The following BICC1 variants were observed in gnomAD, a reference collection of about 807,000 sequenced individuals.
The protein encoded by BICC1 is BicC family RNA binding protein 1.
Under a neutral mutation model 111.0 loss-of-function variants are expected in BICC1, and 43 were observed. The ratio of observed to expected loss-of-function variants is 0.39; its 90% CI spans 0.30 to 0.50. The LOEUF (loss-of-function observed/expected upper bound fraction) is 0.50. BICC1 is among the 20% of genes least tolerant of loss of function. The pLI is 0.88. For missense variants in BICC1, 1,091 were observed against 1,203.2 expected (o/e 0.91, Z 1.38); for synonymous variants, 467 against 434.4 (o/e 1.07, Z -0.93).
At chr10:58,760,832 T>C (rs556617297) in intron 3 of BICC1, among the ~76,000 whole-genome samples, 1 of 152,292 alleles carries the variant, frequency 6.6e-6, no homozygotes, top group African/African-American at 2.4e-5. Flanking sequence ...ACAGAATTTA[T>C]TTGTATTGTC....
Position 58,605,383 on chromosome 10 carries a change from A to G in BICC1, c.191-15472A>G, listed in dbSNP as rs528986071. 2.4e-4 allele frequency among the ~76,000 whole-genome samples: 37 copies of G among 152,210 alleles called. No individual in the cohort carries two copies. The South Asian group carries it at 5.6e-3, about 23-fold the overall frequency. ...TCTGTTTATTGCATTCTCCCCATTC[A>G]TTACCTTTAGCCATTGTCTGTTGTA... On this transcript the variant is annotated intron_variant, in intron 1 of 20. Transcript: ENST00000373886.
chr10:58,651,027 C>G (rs1179734418), intron 2 of BICC1, among the ~76,000 whole-genome samples: 1 of 152,110 alleles, frequency 6.6e-6, no homozygotes, highest in African/African-American at 2.4e-5. Flanking sequence ...TCCCTCCTCA[C>G]CCCACTCCCA....
intron 3 of BICC1, among the ~76,000 whole-genome samples, chr10:58,768,004 A>G (rs558021332): frequency 2.6e-5 from 4 of 152,170 alleles, no homozygotes; most frequent in Non-Finnish European, 2.9e-5. Context: ...AAAGGAGAAA[A>G]GAAAGAAAAG....
At chr10:58,601,611 A>T (rs1240933431) in intron 1 of BICC1, among the ~76,000 whole-genome samples, 1 of 152,012 alleles carries the variant, frequency 6.6e-6, no homozygotes, top group East Asian at 1.9e-4. Flanking sequence ...GAATTACTGG[A>T]TCAAGTACAT....
At chr10:58,728,510 C>T (rs1841183718) in intron 3 of BICC1, among the ~76,000 whole-genome samples, 1 of 151,998 alleles carries the variant, frequency 6.6e-6, no homozygotes. Context: ...AGTCTTGAAC[C>T]CCCTCAAAGT....
At chr10:58,697,192 T>C (rs1840088472) in intron 2 of BICC1, among the ~76,000 whole-genome samples, 1 of 152,214 alleles carries the variant, frequency 6.6e-6, no homozygotes, top group Non-Finnish European at 1.5e-5. Flanking sequence ...GGACAACATA[T>C]TGACTCACTT....
chr10:58,578,282 G>A (rs1217623107), intron 1 of BICC1, among the ~76,000 whole-genome samples: 1 of 152,008 alleles, frequency 6.6e-6, no homozygotes, highest in African/African-American at 2.4e-5. Context: ...GTATTTCCGA[G>A]TTGTTATTTT....
intron 1 of BICC1, among the ~76,000 whole-genome samples, chr10:58,533,786 A>G (rs886595817): frequency 3.9e-4 from 59 of 151,868 alleles, no homozygotes; most frequent in African/African-American, 1.4e-3. Flanking sequence ...GATGCACCAG[A>G]AAAAATGAGA....
intron 2 of BICC1, among the ~76,000 whole-genome samples, chr10:58,684,627 T>A (rs1839652012): frequency 6.6e-6 from 1 of 152,228 alleles, no homozygotes; most frequent in African/African-American, 2.4e-5. Flanking sequence ...TCAAGGAATT[T>A]ATCCATTTCT....
chr10:58,802,990 A>G, intron 14 of BICC1, 87 bp from the exon 15 acceptor site: 1 of 1,277,802 alleles, frequency 7.8e-7, no homozygotes, highest in South Asian at 1.9e-5. Context: ...ATGATGATAA[A>G]CATGCATAGT....
chr10:58,616,503 CT>C (rs1845611710), intron 1 of BICC1, among the ~76,000 whole-genome samples: 1 of 152,038 alleles, frequency 6.6e-6, no homozygotes, highest in South Asian at 2.1e-4. Context: ...GGTGTAAAGC[CT>C]TTTCTGTATG....
At chr10:58,513,932 G>A (rs1842172014) in intron 1 of BICC1, among the ~76,000 whole-genome samples, 1 of 152,220 alleles carries the variant, frequency 6.6e-6, no homozygotes, top group African/African-American at 2.4e-5. Flanking sequence ...GTGCTGCTGT[G>A]TTTGAGGACA....
In BICC1 at chr10:58,537,358, A is replaced by T. The variant is rs77597561; in HGVS notation, c.190+24025A>T. Among the ~76,000 whole-genome samples the T allele has an allele frequency of 4.0e-3, 598 of 150,742 alleles. 6 individuals carry two copies. The highest frequency in any genetic ancestry group is 0.031 in the East Asian group (159 of 5,114). ...GGAATGAACTAGAACAAAAAAAAAAATCATGATGAAGTGGGTTTTATTCCG... is the reference window on the plus strand; with the variant it reads ...GGAATGAACTAGAACAAAAAAAAAATTCATGATGAAGTGGGTTTTATTCCG... On this transcript the variant is annotated intron_variant, in intron 1 of 20. Coordinates refer to ENST00000373886, the MANE Select transcript of BICC1 (RefSeq NM_001080512.3).
At chr10:58,606,172 A>C (rs1311317619) in intron 1 of BICC1, among the ~76,000 whole-genome samples, 1 of 152,028 alleles carries the variant, frequency 6.6e-6, no homozygotes, top group Non-Finnish European at 1.5e-5. Context: ...CCATCCTGGG[A>C]ATTTCTCCTC....
At chr10:58,638,755 G>A (rs1455882165) in intron 2 of BICC1, among the ~76,000 whole-genome samples, 1 of 152,126 alleles carries the variant, frequency 6.6e-6, no homozygotes, top group Non-Finnish European at 1.5e-5. Flanking sequence ...CCCGGCACTG[G>A]GTATCTCTTC....
chr10:58,743,296 C>T (rs1187211838), intron 3 of BICC1, among the ~76,000 whole-genome samples: 1 of 151,938 alleles, frequency 6.6e-6, no homozygotes, highest in African/African-American at 2.4e-5. Context: ...AATACTATCT[C>T]CAGGTCTCTC....
intron 2 of BICC1, among the ~76,000 whole-genome samples, chr10:58,662,198 AC>A (rs1368634826): frequency 3.3e-5 from 5 of 152,198 alleles, no homozygotes; most frequent in African/African-American, 1.2e-4. Context: ...AATACAAATG[AC>A]ACATATCTTG....
intron 1 of BICC1, among the ~76,000 whole-genome samples, chr10:58,560,895 C>A (rs1218129518): frequency 2.6e-5 from 4 of 151,684 alleles, no homozygotes; most frequent in African/African-American, 9.7e-5. Flanking sequence ...TAGTTTTATT[C>A]TATTGTGATA....
chr10:58,574,150 C>T (rs910320793), intron 1 of BICC1, among the ~76,000 whole-genome samples: 10 of 152,092 alleles, frequency 6.6e-5, no homozygotes, highest in African/African-American at 2.4e-4. Flanking sequence ...TCAGAACCAT[C>T]CTACAGGCAT....
Sources: allele counts gnomAD v4.1 joint callset (sites outside exome capture counted in the v4.1 genomes callset), GRCh38; gene constraint gnomAD v4.1.1; transcripts MANE v1.5; gene names NCBI Gene and HGNC (gene_info 2026-07-23, HGNC 2026-07-21).